The following CNTNAP2 variants were observed in gnomAD, a reference collection of about 807,000 sequenced individuals.
CNTNAP2 encodes contactin associated protein 2, also known as contactin-associated protein-like 2.
A neutral mutation model predicts 155.2 loss-of-function variants in CNTNAP2; 98 were observed. The ratio of observed to expected loss-of-function variants is 0.63; its 90% CI spans 0.54 to 0.75. The LOEUF (loss-of-function observed/expected upper bound fraction) is 0.75, where lower values mean the gene tolerates loss of function less well. Among genes scored for constraint, CNTNAP2 ranks in the 30% least tolerant of loss-of-function variants. The probability of loss-of-function intolerance (pLI) is 0.00; values close to 1 mark genes in which losing one functional copy is unlikely to be tolerated. For synonymous variants in CNTNAP2, 651 were observed against 631.2 expected (o/e 1.03, Z -0.47); for missense variants, 1,727 against 1,688.1 (o/e 1.02, Z -0.40).
At chr7:146,483,311 A>G (rs1797003154) in intron 1 of CNTNAP2, among the ~76,000 whole-genome samples, 2 of 92,718 alleles carry the variant, frequency 2.2e-5, no homozygotes, top group Non-Finnish European at 4.3e-5. Flanking sequence ...ATATATATAT[A>G]TATATATATA....
At chr7:146,873,141 G>A (rs1055005974) in intron 3 of CNTNAP2, among the ~76,000 whole-genome samples, 5 of 152,104 alleles carry the variant, frequency 3.3e-5, no homozygotes, top group African/African-American at 1.2e-4. Context: ...GGTGGATTTA[G>A]ACCACTGCAT....
At chr7:147,027,018 CAAAAA>C (rs1297907328) in intron 3 of CNTNAP2, among the ~76,000 whole-genome samples, 1 of 101,438 alleles carries the variant, frequency 9.9e-6, no homozygotes, top group Non-Finnish European at 2.0e-5. Flanking sequence ...AAAAAAAAAA[CAAAAA>C]AAAGAAAAAA....
At chr7:146,246,193 C>T (rs11770227) in intron 1 of CNTNAP2, among the ~76,000 whole-genome samples, 17,903 of 150,758 alleles carry the variant, frequency 0.12, 1,345 homozygotes, top group East Asian at 0.24. Context: ...CATGATCGGT[C>T]GCCAAGGAGG....
intron 2 of CNTNAP2, among the ~76,000 whole-genome samples, chr7:146,818,386 T>C (rs1016325922): frequency 1.6e-4 from 25 of 152,216 alleles, no homozygotes; most frequent in African/African-American, 5.1e-4. Context: ...TTTGGTTTCC[T>C]AAGAAGGCCA....
chr7:146,679,327 C>CAAAGG (rs140891486), intron 1 of CNTNAP2, among the ~76,000 whole-genome samples: 2,705 of 146,202 alleles, frequency 0.019, 62 homozygotes, highest in East Asian at 0.1. Flanking sequence ...CATATCCATG[C>CAAAGG]AAAGGACATG....
At chr7:148,361,430 C>T (rs928627075) in intron 21 of CNTNAP2, among the ~76,000 whole-genome samples, 10 of 152,216 alleles carry the variant, frequency 6.6e-5, no homozygotes, top group Middle Eastern at 3.4e-3. Context: ...CTCACAGTTC[C>T]GGAGCCCAGA....
chr7:146,971,823 A>G (rs35424072), intron 3 of CNTNAP2, among the ~76,000 whole-genome samples: 35,419 of 152,084 alleles, frequency 0.23, 5,152 homozygotes, highest in Non-Finnish European at 0.32. Context: ...AATACCCATC[A>G]TGGAGTTTTG....
At chr7:147,080,594 T>G (rs1800102215) in intron 4 of CNTNAP2, among the ~76,000 whole-genome samples, 1 of 149,634 alleles carries the variant, frequency 6.7e-6, no homozygotes, top group Admixed American at 6.7e-5. Context: ...CTATGTTTTC[T>G]GTAATTGTAT....
At chr7:146,930,716 G>C (rs899786506) in intron 3 of CNTNAP2, among the ~76,000 whole-genome samples, 1 of 151,992 alleles carries the variant, frequency 6.6e-6, no homozygotes, top group Non-Finnish European at 1.5e-5. Context: ...ACACACATAG[G>C]CTCAAAATAA....
chr7:146,576,460 G>A (rs1798527039), intron 1 of CNTNAP2, among the ~76,000 whole-genome samples: 1 of 152,214 alleles, frequency 6.6e-6, no homozygotes, highest in South Asian at 2.1e-4. Context: ...AGTGTGAGCA[G>A]GAGTCACAGT....
chr7:146,811,306 T>C lies in CNTNAP2; in HGVS notation c.209-28405T>C, dbSNP rs116597815. Among the ~76,000 whole-genome samples the C allele has an allele frequency of 2.5e-3, 384 of 152,318 alleles. 1 individual carries two copies. The highest frequency in any genetic ancestry group is 8.8e-3 in the African/African-American group (367 of 41,588). ...TAATGGGAAGTTTTAATTACTGATT[T>C]AATCTCTTTACTTGTTATTGATCTC... On this transcript the variant is annotated intron_variant, in intron 2 of 23. Transcript: ENST00000361727.
chr7:146,308,256 TG>T lies in CNTNAP2; in HGVS notation c.97+191284del, dbSNP rs761092046. 1.6e-3 allele frequency among the ~76,000 whole-genome samples: 238 copies of T among 152,168 alleles called. 1 individual carries two copies. Among genetic ancestry groups the T allele is most frequent in the Middle Eastern group, 3.4e-3 (1 of 294 alleles). On this transcript the variant is annotated intron_variant, in intron 1 of 23. Transcript: ENST00000361727. ...TCATCATCACTGGCCATCAGAGAAA[TG>T]CAAATCAAAAACACAATGAGATACC...
intron 1 of CNTNAP2, among the ~76,000 whole-genome samples, chr7:146,176,506 G>A (rs1798473006): frequency 6.6e-6 from 1 of 152,082 alleles, no homozygotes; most frequent in Non-Finnish European, 1.5e-5. Context: ...GGAAAGCCAG[G>A]CAAAGGAAAT....
intron 8 of CNTNAP2, among the ~76,000 whole-genome samples, chr7:147,154,967 A>C (rs1314784247): frequency 6.6e-6 from 1 of 152,168 alleles, no homozygotes; most frequent in Non-Finnish European, 1.5e-5. Context: ...AGATAATTTA[A>C]TAGAGAGAAA....
chr7:147,944,252 G>A (rs1585041694), intron 14 of CNTNAP2, among the ~76,000 whole-genome samples: 2 of 152,118 alleles, frequency 1.3e-5, no homozygotes, highest in Non-Finnish European at 2.9e-5. Flanking sequence ...AGTATTACGT[G>A]TTTTTCTACT....
intron 15 of CNTNAP2, among the ~76,000 whole-genome samples, chr7:147,992,907 T>A (rs1389405281): frequency 6.6e-6 from 1 of 152,254 alleles, no homozygotes; most frequent in African/African-American, 2.4e-5. Context: ...TTTGGTAGAT[T>A]ACCCTAATCG....
chr7:147,864,449 T>A (rs184001726), intron 13 of CNTNAP2, among the ~76,000 whole-genome samples: 4,960 of 151,618 alleles, frequency 0.033, 140 homozygotes, highest in Non-Finnish European at 0.052. Flanking sequence ...AAGTAGTTTT[T>A]TCCAATTCTG....
At chr7:147,330,304 C>G (rs904374616) in intron 9 of CNTNAP2, among the ~76,000 whole-genome samples, 24 of 152,136 alleles carry the variant, frequency 1.6e-4, no homozygotes, top group African/African-American at 5.6e-4. Flanking sequence ...CAACTACTCC[C>G]CCGGTGCCTC....
intron 1 of CNTNAP2, among the ~76,000 whole-genome samples, chr7:146,334,345 G>C (rs1039480670): frequency 1.3e-5 from 2 of 151,776 alleles, no homozygotes; most frequent in Non-Finnish European, 1.5e-5. Context: ...GCAGGAGAAT[G>C]GCGTGAACCC....
Sources: gnomAD v4.1 joint callset for allele counts (sites outside exome capture counted in the v4.1 genomes callset) on GRCh38, gnomAD v4.1.1 for gene constraint, MANE v1.5 for transcripts, NCBI Gene and HGNC (gene_info 2026-07-23, HGNC 2026-07-21) for gene names.